SORBS2: variants seen among roughly 807,000 people sequenced by gnomAD.
The protein encoded by SORBS2 is sorbin and SH3 domain containing 2.
In SORBS2, 46 loss-of-function variants were observed where a neutral mutation model predicts 97.7. The observed-to-expected ratio is 0.47, with a 90% CI of 0.37 to 0.60. SORBS2 has a LOEUF of 0.60. SORBS2 is among the 20% of genes least tolerant of loss of function. The pLI, the probability that SORBS2 is intolerant of heterozygous loss-of-function variation, is 0.00. For synonymous variants in SORBS2, 476 were observed against 473.4 expected, an observed-to-expected ratio of 1.01 and a Z score of -0.07; for missense variants, 1,316 against 1,282.3, an observed-to-expected ratio of 1.03 and a Z score of -0.40.
At position 185,684,236 on chromosome 4, in the gene SORBS2, C is replaced by T. The variant is rs560431655; in HGVS notation, c.-197-5414G>A. ...ACCACCTGAGTGGATGCTGAAATCTCGCACCCCCAGTGACTTCCTATCTGT... is the reference window on the plus strand; with the variant it reads ...ACCACCTGAGTGGATGCTGAAATCTTGCACCCCCAGTGACTTCCTATCTGT... On this transcript the variant is annotated intron_variant, in intron 2 of 20. Coordinates refer to the SORBS2 transcript ENST00000284776. The surrounding 1 kb of genome is among the most constrained non-coding windows in gnomAD (Gnocchi z 4.2). 3.3e-5 allele frequency among the ~76,000 whole-genome samples: 5 copies of T among 152,248 alleles called. No homozygotes were observed. In the South Asian group the frequency reaches 1.0e-3, roughly 32 times the overall value.
intron 2 of SORBS2, chr4:185,757,128 G>C (rs772475177): frequency 2.1e-6 from 1 of 475,686 alleles, no homozygotes; most frequent in African/African-American, 2.0e-5. Flanking sequence ...ACTGTCCACT[G>C]TAGGGGTTCC....
chr4:185,769,468 C>T (rs574763069), intron 2 of SORBS2, among the ~76,000 whole-genome samples: 10 of 152,244 alleles, frequency 6.6e-5, no homozygotes, highest in East Asian at 3.9e-4. Context: ...CTTACTCAGA[C>T]GTGAGTACTT....
At chr4:185,704,247 A>G (rs778653695) in intron 2 of SORBS2, among the ~76,000 whole-genome samples, 2 of 152,170 alleles carry the variant, frequency 1.3e-5, no homozygotes, top group Non-Finnish European at 2.9e-5. Context: ...GCTTCTCCCC[A>G]AACCTCACCC....
At chr4:185,770,923 T>C (rs912061939) in intron 2 of SORBS2, 1 of 151,648 alleles carries the variant, frequency 6.6e-6, no homozygotes, top group African/African-American at 2.4e-5. Flanking sequence ...TTGGTGTTGA[T>C]TCTCAATTTT....
intron 2 of SORBS2, among the ~76,000 whole-genome samples, chr4:185,746,403 G>T (rs537345049): frequency 6.6e-6 from 1 of 152,098 alleles, no homozygotes; most frequent in Admixed American, 6.5e-5. Context: ...TGCAACCTCC[G>T]CGTCCTGGGT....
intron 4 of SORBS2, among the ~76,000 whole-genome samples, chr4:185,644,227 A>G (rs1308995217): frequency 6.6e-6 from 1 of 151,886 alleles, no homozygotes; most frequent in African/African-American, 2.4e-5. Flanking sequence ...CTTCCTTCCA[A>G]GTTTCTAAGT....
intron 1 of SORBS2, among the ~76,000 whole-genome samples, chr4:185,941,914 G>A (rs866607205): frequency 2.0e-5 from 3 of 152,046 alleles, no homozygotes; most frequent in African/African-American, 4.8e-5. Flanking sequence ...TGAGGAGATC[G>A]AGACCAGCCT....
chr4:185,827,297 TCATCAC>T (rs2099201182), intron 1 of SORBS2, among the ~76,000 whole-genome samples: 5 of 67,096 alleles, frequency 7.5e-5, no homozygotes, highest in African/African-American at 1.5e-4. Context: ...ACCATCATCA[TCATCAC>T]CATCATCACC....
intron 1 of SORBS2, among the ~76,000 whole-genome samples, chr4:185,864,708 C>T (rs778420217): frequency 7.9e-5 from 12 of 152,084 alleles, no homozygotes; most frequent in South Asian, 2.1e-4. Flanking sequence ...GTCAGGAGTT[C>T]GAGACCAGCC....
chr4:185,851,725 G>A (rs1022397914), intron 1 of SORBS2, among the ~76,000 whole-genome samples: 1 of 152,080 alleles, frequency 6.6e-6, no homozygotes, highest in Non-Finnish European at 1.5e-5. Context: ...TAAAAAGCAG[G>A]CAGAGGAATG....
intron 1 of SORBS2, among the ~76,000 whole-genome samples, chr4:185,863,006 G>GT (rs2099224770): frequency 6.6e-6 from 1 of 152,208 alleles, no homozygotes; most frequent in African/African-American, 2.4e-5. Flanking sequence ...ATCCCTGCCT[G>GT]TGCCAATGCA....
Position 185,684,968 on chromosome 4 carries a change from T to A in SORBS2, c.-197-6146A>T, listed in dbSNP as rs868797566. On this transcript the variant is annotated intron_variant, in intron 2 of 20. Coordinates refer to the SORBS2 transcript ENST00000284776. This position sits in a 1 kb window ranked among gnomAD's most constrained non-coding sequence, Gnocchi z 4.2. ...AAAGATGAACAGTTAGAATTAGTAA[T>A]CATGGAATGCACCTGCCAATTTCAC... 77 of 728,826 alleles carry A rather than the reference T, an allele frequency of 1.1e-4. No homozygotes were observed. In the African/African-American group the frequency reaches 1.1e-3, roughly 11 times the overall value. The allele number at this position is 728,826 out of a possible 1,614,324, so 45.1% of individuals were successfully genotyped here.
Position 185,820,670 on chromosome 4 carries a change from G to A in SORBS2, c.-337-45304C>T, listed in dbSNP as rs115516080. ...CAGACAGCGTCTCAGCCGACACACA[G>A]GGCCCTTTAAGAAAAGAGGCACCGT... On this transcript the variant is annotated intron_variant, in intron 1 of 20. Transcript: ENST00000284776. Among the ~76,000 whole-genome samples, 484 of 152,316 alleles carry A rather than the reference G, an allele frequency of 3.2e-3. 5 individuals carry two copies. Among genetic ancestry groups the A allele is most frequent in the African/African-American group, 0.011 (466 of 41,572 alleles).
At chr4:185,921,387 C>T (rs931630650) in intron 1 of SORBS2, among the ~76,000 whole-genome samples, 8 of 152,072 alleles carry the variant, frequency 5.3e-5, no homozygotes, top group Admixed American at 1.3e-4. Context: ...AACCATCTCC[C>T]GATAATGAGT....
intron 2 of SORBS2, among the ~76,000 whole-genome samples, chr4:185,753,844 T>C (rs750765763): frequency 3.3e-5 from 5 of 152,202 alleles, no homozygotes; most frequent in Non-Finnish European, 4.4e-5. Flanking sequence ...GCTTATACAC[T>C]GCTGGTGGAG....
At chr4:185,792,857 G>A (rs2099087302) in intron 1 of SORBS2, among the ~76,000 whole-genome samples, 1 of 152,184 alleles carries the variant, frequency 6.6e-6, no homozygotes, top group Admixed American at 6.5e-5. Context: ...TGACAGTGCA[G>A]GGTTTGGAAT....
At chr4:185,722,177 G>A (rs150838941) in intron 2 of SORBS2, among the ~76,000 whole-genome samples, 4 of 152,244 alleles carry the variant, frequency 2.6e-5, no homozygotes, top group South Asian at 2.1e-4. Flanking sequence ...ATGATGAAAC[G>A]GCTATGATCA....
chr4:185,715,504 AC>A (rs2098458387), intron 2 of SORBS2, among the ~76,000 whole-genome samples: 1 of 152,198 alleles, frequency 6.6e-6, no homozygotes, highest in South Asian at 2.1e-4. Flanking sequence ...GACTAAAGAA[AC>A]ATGAGACTGA....
intron 4 of SORBS2, among the ~76,000 whole-genome samples, chr4:185,644,194 T>C (rs1308969551): frequency 1.3e-5 from 2 of 152,126 alleles, no homozygotes; most frequent in Non-Finnish European, 2.9e-5. Flanking sequence ...TCTTTCTATT[T>C]CTCCATAAGA....
Sources: gnomAD v4.1 joint callset for allele counts (sites outside exome capture counted in the v4.1 genomes callset) on GRCh38, gnomAD v4.1.1 for gene constraint, Gnocchi (gnomAD v3.1) non-coding constraint, MANE v1.5 for transcripts, NCBI Gene and HGNC (gene_info 2026-07-23, HGNC 2026-07-21) for gene names.